SNTG1: variants seen among roughly 807,000 people sequenced by gnomAD.
SNTG1 encodes gamma-1-syntrophin.
A neutral mutation model predicts 74.7 loss-of-function variants in SNTG1; 39 were observed. The ratio of observed to expected loss-of-function variants is 0.52; its 90% CI spans 0.40 to 0.68. The LOEUF is 0.68. Ranked by LOEUF, SNTG1 falls within the 30% of genes least tolerant of loss-of-function variation. The pLI is 0.00. For synonymous variants in SNTG1, 254 were observed against 217.1 expected, an observed-to-expected ratio of 1.17 and a Z score of -1.49; for missense variants, 685 against 609.5, an observed-to-expected ratio of 1.12 and a Z score of -1.30.
intron 2 of SNTG1, among the ~76,000 whole-genome samples, chr8:50,247,554 G>T (rs998019833): frequency 6.6e-6 from 1 of 152,170 alleles, no homozygotes; most frequent in African/African-American, 2.4e-5. Context: ...CACCCAGGCT[G>T]CAGTATAGTG....
intron 1 of SNTG1, among the ~76,000 whole-genome samples, chr8:49,981,434 G>A (rs1812669821): frequency 5.6e-5 from 2 of 35,906 alleles, no homozygotes; most frequent in African/African-American, 2.9e-4. Flanking sequence ...AGGCTAGACT[G>A]AAATGATAAA....
At position 49,979,693 on chromosome 8, in the gene SNTG1, C is replaced by T. The variant is rs542055073; in HGVS notation, c.-103+67462C>T. ...GTCTCTGCAGACTGAAGGCTCTCTGCGGGCAGGACCAGGCCAGTTTGGCTT... is the reference window on the plus strand; with the variant it reads ...GTCTCTGCAGACTGAAGGCTCTCTGTGGGCAGGACCAGGCCAGTTTGGCTT... On this transcript the variant is annotated intron_variant, in intron 1 of 18. Coordinates refer to ENST00000642720, the MANE Select transcript of SNTG1 (RefSeq NM_018967.5). 2.9e-4 allele frequency among the ~76,000 whole-genome samples: 44 copies of T among 152,276 alleles called. No homozygotes were observed. In the South Asian group the frequency reaches 7.5e-3, roughly 26 times the overall value.
At chr8:50,562,464 A>G (rs1163070937) in intron 12 of SNTG1, among the ~76,000 whole-genome samples, 2 of 152,232 alleles carry the variant, frequency 1.3e-5, no homozygotes, top group Non-Finnish European at 2.9e-5. Context: ...CAAAGAAAGC[A>G]GTAGTCCAAT....
intron 8 of SNTG1, among the ~76,000 whole-genome samples, chr8:50,475,217 T>G (rs894824114): frequency 6.8e-6 from 1 of 147,084 alleles, no homozygotes; most frequent in Non-Finnish European, 1.5e-5. Context: ...CCCTAAAACT[T>G]AAAGTATAAT....
intron 1 of SNTG1, among the ~76,000 whole-genome samples, chr8:49,952,189 T>C (rs189943459): frequency 5.7e-4 from 87 of 152,294 alleles, no homozygotes; most frequent in Non-Finnish European, 7.5e-4. Context: ...TGCTATATAC[T>C]GTATCATGCC....
chr8:50,156,746 C>T (rs1186785749), intron 1 of SNTG1, among the ~76,000 whole-genome samples: 1 of 151,906 alleles, frequency 6.6e-6, no homozygotes. Flanking sequence ...AGAAGATGTA[C>T]AAATTGTGAA....
intron 2 of SNTG1, among the ~76,000 whole-genome samples, chr8:50,285,323 C>T (rs1376911208): frequency 6.6e-6 from 1 of 152,118 alleles, no homozygotes; most frequent in East Asian, 1.9e-4. Flanking sequence ...GAATTAAATA[C>T]ATTATTTGCT....
At chr8:50,430,603 C>A (rs1304864535) in intron 4 of SNTG1, among the ~76,000 whole-genome samples, 1 of 152,186 alleles carries the variant, frequency 6.6e-6, no homozygotes, top group Non-Finnish European at 1.5e-5. Flanking sequence ...ATGAGACAGA[C>A]AAATCGACTT....
chr8:50,394,273 C>T lies in SNTG1; in HGVS notation c.27+8C>T. ...AGAACCGCCTGTGAGGAGGTGAGTA[C>T]AGAGCTTTCTGCTTTTCAAACAGGG... On this transcript the variant is annotated splice_region_variant and intron_variant, in intron 3 of 18. Coordinates refer to ENST00000642720, the MANE Select transcript of SNTG1 (RefSeq NM_018967.5). The T allele has an allele frequency of 6.2e-7, 1 of 1,611,372 alleles. No homozygotes were observed. The highest frequency in any genetic ancestry group is 8.5e-7 in the Non-Finnish European group (1 of 1,178,462).
chr8:50,102,974 A>T (rs2080205346), intron 1 of SNTG1, among the ~76,000 whole-genome samples: 1 of 151,318 alleles, frequency 6.6e-6, no homozygotes, highest in Non-Finnish European at 1.5e-5. Flanking sequence ...CTTGTAGTAT[A>T]GTTTGAAGTC....
At chr8:50,692,546 C>T (rs759245844) in intron 15 of SNTG1, among the ~76,000 whole-genome samples, 26 of 152,250 alleles carry the variant, frequency 1.7e-4, no homozygotes, top group East Asian at 1.2e-3. Flanking sequence ...GTTTCAGCAG[C>T]GGTGGCTGCA....
At chr8:50,330,192 A>T (rs1312876051) in intron 2 of SNTG1, among the ~76,000 whole-genome samples, 2 of 152,140 alleles carry the variant, frequency 1.3e-5, no homozygotes, top group Non-Finnish European at 2.9e-5. Flanking sequence ...GTGAGTTCAC[A>T]TGAGATCTGA....
At chr8:50,500,224 CTTTT>C (rs1194318716) in intron 8 of SNTG1, among the ~76,000 whole-genome samples, 1 of 147,918 alleles carries the variant, frequency 6.8e-6, no homozygotes, top group African/African-American at 2.5e-5. Flanking sequence ...CTTCAGGTTA[CTTTT>C]TCTTTTTTTT....
chr8:49,978,324 G>C (rs146623976), intron 1 of SNTG1, among the ~76,000 whole-genome samples: 10 of 152,184 alleles, frequency 6.6e-5, no homozygotes, highest in Non-Finnish European at 8.8e-5. Context: ...AACAGGGCTA[G>C]AATGGAATGA....
At chr8:50,563,366 T>A (rs1049145793) in intron 12 of SNTG1, among the ~76,000 whole-genome samples, 26 of 152,170 alleles carry the variant, frequency 1.7e-4, no homozygotes, top group Admixed American at 1.2e-3. Context: ...TTAGCTACAG[T>A]AAGCACTGCA....
intron 2 of SNTG1, among the ~76,000 whole-genome samples, chr8:50,352,181 T>G (rs941647248): frequency 6.6e-6 from 1 of 152,182 alleles, no homozygotes; most frequent in African/African-American, 2.4e-5. Flanking sequence ...AAGGTAGACC[T>G]ACCGAAATTA....
chr8:50,280,619 G>A (rs533848772), intron 2 of SNTG1, among the ~76,000 whole-genome samples: 23 of 152,206 alleles, frequency 1.5e-4, no homozygotes, highest in African/African-American at 5.1e-4. Flanking sequence ...TTGAAGAGGG[G>A]GTGCTTATAA....
chr8:49,955,962 C>A (rs1810118875), intron 1 of SNTG1, among the ~76,000 whole-genome samples: 2 of 152,130 alleles, frequency 1.3e-5, no homozygotes, highest in Non-Finnish European at 2.9e-5. Flanking sequence ...TTTTCTATGC[C>A]ATGTTTCTTC....
intron 2 of SNTG1, among the ~76,000 whole-genome samples, chr8:50,344,003 T>C (rs2091397559): frequency 6.6e-6 from 1 of 152,172 alleles, no homozygotes. Flanking sequence ...GGCTTTTCTC[T>C]TTACTGACAG....
Sources: gnomAD v4.1 joint callset for allele counts (sites outside exome capture counted in the v4.1 genomes callset) on GRCh38, gnomAD v4.1.1 for gene constraint, MANE v1.5 for transcripts, NCBI Gene and HGNC (gene_info 2026-07-23, HGNC 2026-07-21) for gene names.